Variants in GNL3L observed in about 807,000 individuals in gnomAD.
GNL3L encodes the protein G protein nucleolar 3 like, also known as guanine nucleotide-binding protein-like 3-like protein.
In GNL3L, 4 loss-of-function variants were observed where a neutral mutation model predicts 42.9. The ratio of observed to expected loss-of-function variants is 0.09; its 90% CI spans 0.05 to 0.21. The LOEUF (loss-of-function observed/expected upper bound fraction) is 0.21. GNL3L is among the 10% of genes least tolerant of loss of function. The pLI, the probability that GNL3L is intolerant of heterozygous loss-of-function variation, is 1.00. For missense variants in GNL3L, 412 were observed against 481.7 expected (o/e 0.86, Z 1.36); for synonymous variants, 159 against 176.3 (o/e 0.90, Z 0.78).
At chrX:54,603,735 T>C (rs1486134122) in intron 16 of GNL3L, among the ~76,000 whole-genome samples, 1 of 111,209 alleles carries the variant, frequency 9.0e-6, no homozygotes, top group Non-Finnish European at 1.9e-5. Context: ...ATGTAATAAT[T>C]TGCCATTATT....
At chrX:54,645,702 A>G in the GNL3L span, among the ~76,000 whole-genome samples, 3 of 112,154 alleles carry the variant, frequency 2.7e-5, no homozygotes, top group Non-Finnish European at 5.6e-5. Context: ...GTCCCTGACC[A>G]TTCAAGGACT....
At chrX:54,629,447 G>A in the GNL3L span, among the ~76,000 whole-genome samples, 1 of 111,393 alleles carries the variant, frequency 9.0e-6, no homozygotes, top group Non-Finnish European at 1.9e-5. Flanking sequence ...CTTGTATGCC[G>A]ATTGTGCTGA....
intron 16 of GNL3L, among the ~76,000 whole-genome samples, chrX:54,585,692 C>A (rs1050712799): frequency 2.7e-5 from 3 of 111,547 alleles, no homozygotes; most frequent in African/African-American, 9.7e-5. Context: ...TTTCAAAAAA[C>A]TCTTAATTTT....
intron 16 of GNL3L, among the ~76,000 whole-genome samples, chrX:54,579,164 G>T (rs947416048): frequency 3.6e-5 from 4 of 111,064 alleles, no homozygotes; most frequent in African/African-American, 1.3e-4. Context: ...TAAGTCCGTG[G>T]CTTGCTTTTT....
intron 16 of GNL3L, among the ~76,000 whole-genome samples, chrX:54,587,673 GT>G (rs1253394013): frequency 3.1e-3 from 303 of 99,303 alleles, no homozygotes; most frequent in African/African-American, 8.6e-3. Context: ...GTAATAGGGT[GT>G]TTTTTTTTTT....
intron 2 of GNL3L, among the ~76,000 whole-genome samples, chrX:54,532,994 C>T (rs1289955194): frequency 1.8e-5 from 2 of 111,935 alleles, no homozygotes; most frequent in African/African-American, 3.2e-5. Flanking sequence ...GAATATGTTT[C>T]ACATCACTCA....
chrX:54,640,640 A>G, the GNL3L span, among the ~76,000 whole-genome samples: 4,232 of 112,009 alleles, frequency 0.038, 214 homozygotes, highest in African/African-American at 0.13. Context: ...CTTTTCCTGT[A>G]GGAGTAGGGG....
chrX:54,593,501 G>C (rs1429421944), intron 16 of GNL3L, among the ~76,000 whole-genome samples: 1 of 109,330 alleles, frequency 9.1e-6, no homozygotes, highest in Non-Finnish European at 1.9e-5. Context: ...TATTTATTTG[G>C]GTCCTTTTTT....
intron 10 of GNL3L, 68 bp downstream of exon 10, chrX:54,551,118 C>T (rs1924924330): frequency 1.6e-5 from 10 of 612,179 alleles, no homozygotes; most frequent in Non-Finnish European, 2.2e-5. Flanking sequence ...ACTCCCATGC[C>T]TTCAGCCCCT....
At chrX:54,611,863 G>A (rs1219294059) in intron 16 of GNL3L, among the ~76,000 whole-genome samples, 1 of 112,077 alleles carries the variant, frequency 8.9e-6, no homozygotes, top group Non-Finnish European at 1.9e-5. Context: ...CTTGGAGAAA[G>A]TTCCATGTGC....
chrX:54,612,774 G>A (rs1264719442), intron 16 of GNL3L, among the ~76,000 whole-genome samples: 3 of 111,860 alleles, frequency 2.7e-5, no homozygotes, highest in African/African-American at 9.7e-5. Context: ...CTTCTAGCTT[G>A]TAGGGTTTCT....
the GNL3L span, among the ~76,000 whole-genome samples, chrX:54,638,722 T>A: frequency 1.8e-5 from 2 of 112,042 alleles, no homozygotes; most frequent in African/African-American, 6.5e-5. Flanking sequence ...AGTATTGGCA[T>A]TACAGCCGTC....
At chrX:54,573,035 G>T (rs1210961006) in intron 16 of GNL3L, among the ~76,000 whole-genome samples, 1 of 108,928 alleles carries the variant, frequency 9.2e-6, no homozygotes, top group Admixed American at 9.7e-5. Context: ...GATGGCGGCC[G>T]GGCAGAGACG....
rs772281689 is a variant in GNL3L at position 54,614,962 on chromosome X, T to C, written c.*46-5883T>C. On this transcript the variant is annotated intron_variant, in intron 16 of 16. Transcript: ENST00000674498. ...TGATTGCCAAACACCTGAAACTAGTTTAAAGTGTCCTCTTCAGTGGCATTA... is the reference window on the plus strand; with the variant it reads ...TGATTGCCAAACACCTGAAACTAGTCTAAAGTGTCCTCTTCAGTGGCATTA... Among the ~76,000 whole-genome samples the C allele has an allele frequency of 5.4e-5, 6 of 111,355 alleles. No homozygotes were observed. The East Asian group carries it at 1.7e-3, about 32-fold the overall frequency.
chrX:54,623,592 T>C (rs1926317393), downstream of GNL3L, among the ~76,000 whole-genome samples: 2 of 112,088 alleles, frequency 1.8e-5, no homozygotes, highest in African/African-American at 6.5e-5. Flanking sequence ...GGGATTGTTT[T>C]ATATCTGTAC....
intron 1 of GNL3L, 93 bp downstream of exon 1, chrX:54,530,512 G>C (rs1924212543): frequency 8.9e-6 from 1 of 111,849 alleles, no homozygotes; most frequent in African/African-American, 3.2e-5. Flanking sequence ...CCTTTTCGCG[G>C]AGTGGAGTTT....
At chrX:54,633,343 C>T in the GNL3L span, among the ~76,000 whole-genome samples, 2 of 111,632 alleles carry the variant, frequency 1.8e-5, no homozygotes, top group African/African-American at 6.5e-5. Flanking sequence ...TTTAACCTTC[C>T]ACCAGGAGAT....
intron 16 of GNL3L, among the ~76,000 whole-genome samples, chrX:54,573,777 TCTC>T (rs748478845): frequency 4.5e-5 from 5 of 111,122 alleles, no homozygotes; most frequent in Admixed American, 9.6e-5. Context: ...TTAATGTACT[TCTC>T]TGATAATTCT....
chrX:54,566,925 C>T lies in GNL3L; in HGVS notation c.*6323C>T, dbSNP rs775450426. 8.9e-6 allele frequency among the ~76,000 whole-genome samples: 1 copy of T among 112,021 alleles called. No individual in the cohort carries two copies. Among genetic ancestry groups the T allele is most frequent in the African/African-American group, 3.2e-5 (1 of 30,800 alleles). On this transcript the variant is annotated 3_prime_UTR_variant, in exon 16 of 16. Coordinates refer to ENST00000360845, the MANE Select transcript of GNL3L (RefSeq NM_001184819.2). ...AGTAGCTGGGACCACAGGCATGTGCCACCATGGCTGTTAAATTTATTAATT... is the reference window on the plus strand; with the variant it reads ...AGTAGCTGGGACCACAGGCATGTGCTACCATGGCTGTTAAATTTATTAATT...
Sources: gnomAD v4.1 joint callset for allele counts (sites outside exome capture counted in the v4.1 genomes callset) on GRCh38, gnomAD v4.1.1 for gene constraint, MANE v1.5 for transcripts, NCBI Gene and HGNC (gene_info 2026-07-23, HGNC 2026-07-21) for gene names.